Variants in RBFOX1 observed in about 807,000 individuals in gnomAD.
RBFOX1 encodes RNA binding fox-1 homolog 1, also known as RNA binding protein fox-1 homolog 1.
A neutral mutation model predicts 57.7 loss-of-function variants in RBFOX1; 8 were observed. The observed-to-expected ratio is 0.14, with a 90% CI of 0.08 to 0.25. The LOEUF is 0.25. Among genes scored for constraint, RBFOX1 ranks in the 10% least tolerant of loss-of-function variants. The pLI is 1.00. For synonymous variants in RBFOX1, 326 were observed against 222.4 expected, an observed-to-expected ratio of 1.47 and a Z score of -4.15; for missense variants, 611 against 548.5, an observed-to-expected ratio of 1.11 and a Z score of -1.14.
intron 1 of RBFOX1, among the ~76,000 whole-genome samples, chr16:5,386,880 A>G (rs2066273532): frequency 6.6e-6 from 1 of 152,050 alleles, no homozygotes; most frequent in African/African-American, 2.4e-5. Flanking sequence ...GCGAAACCCC[A>G]TCTCTACTAA....
At chr16:5,294,730 A>G (rs754842618) in intron 1 of RBFOX1, among the ~76,000 whole-genome samples, 17 of 151,950 alleles carry the variant, frequency 1.1e-4, no homozygotes, top group Non-Finnish European at 1.9e-4. Flanking sequence ...TTGCACTTGG[A>G]CATGGCATAA....
chr16:6,399,293 A>G lies in RBFOX1; in HGVS notation c.-64+82236A>G, dbSNP rs117342139. ...AGGGGCTGCCATGAAGGTGTCTAACATGCCCTGGAAACATTTTCCCCATTG... is the reference window on the plus strand; with the variant it reads ...AGGGGCTGCCATGAAGGTGTCTAACGTGCCCTGGAAACATTTTCCCCATTG... On this transcript the variant is annotated intron_variant, in intron 2 of 15. Transcript: ENST00000550418. Among the ~76,000 whole-genome samples the G allele has an allele frequency of 1.4e-3, 218 of 152,314 alleles. No individual in the cohort carries two copies. In the East Asian group the frequency reaches 0.032, roughly 23 times the overall value.
chr16:5,974,638 C>T (rs1328664006), intron 4 of RBFOX1, among the ~76,000 whole-genome samples: 3 of 151,598 alleles, frequency 2.0e-5, no homozygotes, highest in East Asian at 4.0e-4. Context: ...TAAGATCTGT[C>T]CCCAACCCAG....
At chr16:6,144,901 T>C (rs960915821) in intron 1 of RBFOX1, among the ~76,000 whole-genome samples, 4 of 152,252 alleles carry the variant, frequency 2.6e-5, no homozygotes, top group African/African-American at 7.2e-5. Flanking sequence ...CTGTGGTCTG[T>C]TGTACCTGTG....
intron 5 of RBFOX1, among the ~76,000 whole-genome samples, chr16:7,551,226 A>T (rs375139821): frequency 6.6e-6 from 1 of 152,096 alleles, no homozygotes; most frequent in African/African-American, 2.4e-5. Context: ...CCACTAAAGA[A>T]TTTTTTCCAT....
chr16:5,572,494 C>A (rs1164091118), intron 2 of RBFOX1, among the ~76,000 whole-genome samples: 1 of 152,168 alleles, frequency 6.6e-6, no homozygotes, highest in Non-Finnish European at 1.5e-5. Context: ...CATCCTAGGT[C>A]TCTACTCACT....
At chr16:5,772,191 C>G (rs900475664) in intron 3 of RBFOX1, among the ~76,000 whole-genome samples, 1 of 152,048 alleles carries the variant, frequency 6.6e-6, no homozygotes, top group African/African-American at 2.4e-5. Flanking sequence ...AAAACAGAGG[C>G]TAGTTTATAG....
intron 3 of RBFOX1, among the ~76,000 whole-genome samples, chr16:6,769,170 C>T (rs1177341990): frequency 6.6e-6 from 1 of 152,154 alleles, no homozygotes; most frequent in Non-Finnish European, 1.5e-5. Flanking sequence ...ACGCTGTTCT[C>T]ATGATAGTGC....
intron 2 of RBFOX1, among the ~76,000 whole-genome samples, chr16:5,479,162 C>A (rs934641974): frequency 6.6e-6 from 1 of 152,160 alleles, no homozygotes; most frequent in Non-Finnish European, 1.5e-5. Flanking sequence ...GAGACTTCCT[C>A]GGCCCTCATT....
At chr16:5,418,878 A>T (rs1375968906) in intron 1 of RBFOX1, among the ~76,000 whole-genome samples, 1 of 152,160 alleles carries the variant, frequency 6.6e-6, no homozygotes, top group African/African-American at 2.4e-5. Context: ...AGATACCCAA[A>T]CTGAGAATTA....
chr16:7,629,177 G>A (rs1410784481), intron 10 of RBFOX1, among the ~76,000 whole-genome samples: 2 of 152,164 alleles, frequency 1.3e-5, no homozygotes, highest in Admixed American at 1.3e-4. Flanking sequence ...CTGGGAAAAA[G>A]TGGATGGAGT....
chr16:6,438,466 C>T (rs571099248), intron 2 of RBFOX1, among the ~76,000 whole-genome samples: 47 of 152,270 alleles, frequency 3.1e-4, no homozygotes, highest in African/African-American at 9.9e-4. Context: ...TGGCATAGGG[C>T]TGGATGCTGT....
intron 6 of RBFOX1, among the ~76,000 whole-genome samples, chr16:7,586,496 T>C (rs1205957696): frequency 6.6e-6 from 1 of 152,210 alleles, no homozygotes; most frequent in Non-Finnish European, 1.5e-5. Flanking sequence ...CCACAAGTAT[T>C]AAGTATAAGT....
intron 2 of RBFOX1, among the ~76,000 whole-genome samples, chr16:6,590,617 T>C (rs952981344): frequency 2.0e-5 from 3 of 152,202 alleles, no homozygotes; most frequent in East Asian, 1.9e-4. Flanking sequence ...AGAAGCTAAA[T>C]TGGCTTCATG....
intron 4 of RBFOX1, among the ~76,000 whole-genome samples, chr16:7,307,284 C>A (rs1603617279): frequency 1.3e-5 from 2 of 152,142 alleles, no homozygotes; most frequent in African/African-American, 4.8e-5. Context: ...AGGAAAATGA[C>A]TTCATTAAAT....
chr16:6,513,387 A>G lies in RBFOX1; in HGVS notation c.-63-141216A>G, dbSNP rs145579636. ...CTTATGGCCTCATATCTACACATCA[A>G]ACTTTTCAGGGGAAGAGAGAGCACA... On this transcript the variant is annotated intron_variant, in intron 2 of 15. Coordinates refer to ENST00000550418, the MANE Select transcript of RBFOX1 (RefSeq NM_018723.4). Among the ~76,000 whole-genome samples, 110 of 152,134 alleles carry G rather than the reference A, an allele frequency of 7.2e-4. 1 individual carries two copies. Among genetic ancestry groups the G allele is most frequent in the Non-Finnish European group, 1.4e-3 (94 of 68,034 alleles).
At chr16:6,595,078 C>T (rs2097763724) in intron 2 of RBFOX1, among the ~76,000 whole-genome samples, 1 of 152,152 alleles carries the variant, frequency 6.6e-6, no homozygotes, top group Non-Finnish European at 1.5e-5. Flanking sequence ...TGAGCCACCG[C>T]ACCTGGCCTT....
rs191815393 is a variant in RBFOX1, at chr16:5,460,544, C to T, written c.220-6672C>T. On this transcript the variant is annotated intron_variant, in intron 1 of 2. Transcript: ENST00000585867. ...GAAACACTTCTGTGCTACCCACAGTCCTTGGGCAGCTGATGGTTGTAAAGG... is the reference window on the plus strand; with the variant it reads ...GAAACACTTCTGTGCTACCCACAGTTCTTGGGCAGCTGATGGTTGTAAAGG... Among the ~76,000 whole-genome samples the T allele has an allele frequency of 1.2e-3, 179 of 152,254 alleles. 2 individuals carry two copies. The highest frequency in any genetic ancestry group is 4.2e-3 in the African/African-American group (173 of 41,550).
At chr16:6,913,701 C>G (rs890546589) in intron 3 of RBFOX1, among the ~76,000 whole-genome samples, 1 of 152,156 alleles carries the variant, frequency 6.6e-6, no homozygotes, top group African/African-American at 2.4e-5. Flanking sequence ...CTAGCTGGGC[C>G]AGGCTCTGTC....
Sources: gnomAD v4.1 joint callset for allele counts (sites outside exome capture counted in the v4.1 genomes callset) on GRCh38, gnomAD v4.1.1 for gene constraint, MANE v1.5 for transcripts, NCBI Gene and HGNC (gene_info 2026-07-23, HGNC 2026-07-21) for gene names.